Variants in EPAS1 observed in about 807,000 individuals in gnomAD.
EPAS1 encodes the protein endothelial PAS domain-containing protein 1.
Under a neutral mutation model 87.9 loss-of-function variants are expected in EPAS1, and 23 were observed. The ratio of observed to expected loss-of-function variants is 0.26; its 90% CI spans 0.19 to 0.37. The LOEUF is 0.37. Among genes scored for constraint, EPAS1 ranks in the 10% least tolerant of loss-of-function variants. The pLI, the probability that EPAS1 is intolerant of heterozygous loss-of-function variation, is 1.00. For missense variants in EPAS1, 1,138 were observed against 1,120.7 expected, an observed-to-expected ratio of 1.02 and a Z score of -0.22; for synonymous variants, 508 against 444.3, an observed-to-expected ratio of 1.14 and a Z score of -1.80.
chr2:46,320,499 C>G (rs1326330510), intron 1 of EPAS1, among the ~76,000 whole-genome samples: 1 of 152,186 alleles, frequency 6.6e-6, no homozygotes, highest in African/African-American at 2.4e-5. Flanking sequence ...TGATAAATGG[C>G]TTTTCTAATA....
intron 7 of EPAS1, among the ~76,000 whole-genome samples, chr2:46,370,745 T>C (rs1684611395): frequency 1.3e-5 from 2 of 152,226 alleles, no homozygotes; most frequent in African/African-American, 4.8e-5. Flanking sequence ...GCTACCATAT[T>C]GGACAGAGAA....
At chr2:46,320,067 A>G (rs942363970) in intron 1 of EPAS1, among the ~76,000 whole-genome samples, 23 of 152,228 alleles carry the variant, frequency 1.5e-4, no homozygotes, top group African/African-American at 5.5e-4. Flanking sequence ...GAATAATTAC[A>G]GTCTCTCCTT....
In EPAS1 at chr2:46,375,461, C is replaced by T. The variant is rs185352231; in HGVS notation, c.887-229C>T. 6.6e-6 allele frequency among the ~76,000 whole-genome samples: 1 copy of T among 152,118 alleles called. No individual in the cohort carries two copies. The highest frequency in any genetic ancestry group is 2.4e-5 in the African/African-American group (1 of 41,412). On this transcript the variant is annotated intron_variant, in intron 7 of 15. Coordinates refer to ENST00000263734, the MANE Select transcript of EPAS1 (RefSeq NM_001430.5). The surrounding 1 kb of genome is among the most constrained non-coding windows in gnomAD (Gnocchi z 4.1). ...CCCTCCCTCAGTAGACAGCCTTGGG[C>T]AAGTCATTTCACCTCTTCTCACCTC...
intron 6 of EPAS1, 128 bp downstream of exon 6, chr2:46,361,218 C>A (rs1478597275): frequency 9.7e-7 from 1 of 1,032,034 alleles, no homozygotes; most frequent in South Asian, 1.4e-5. Context: ...TGTTCGTGGA[C>A]CTGTGCCACT....
chr2:46,304,646 G>A (rs1262621883), intron 1 of EPAS1, among the ~76,000 whole-genome samples: 2 of 152,104 alleles, frequency 1.3e-5, no homozygotes, highest in African/African-American at 4.8e-5. Flanking sequence ...GACAAGAGGT[G>A]GTTCTCTCCT....
At chr2:46,329,631 G>T (rs1301937574) in intron 1 of EPAS1, among the ~76,000 whole-genome samples, 1 of 152,126 alleles carries the variant, frequency 6.6e-6, no homozygotes, top group African/African-American at 2.4e-5. Flanking sequence ...AGACTAGCCT[G>T]GCCGAGATAG....
chr2:46,330,735 G>A lies in EPAS1; in HGVS notation c.27-16138G>A, dbSNP rs1409133502. 3.9e-5 allele frequency among the ~76,000 whole-genome samples: 6 copies of A among 152,294 alleles called. No homozygotes were observed. The Middle Eastern group carries it at 0.017, about 432-fold the overall frequency. Reference sequence around the variant, plus strand: ...TTCTGCTTCCGGCTGAGGGCACCTTGGGACACCTTAGGAGGGATGGTCCCA... The same window carrying A: ...TTCTGCTTCCGGCTGAGGGCACCTTAGGACACCTTAGGAGGGATGGTCCCA... On this transcript the variant is annotated intron_variant, in intron 1 of 15. Transcript: ENST00000263734.
In EPAS1 at chr2:46,380,482, A is replaced by G; in HGVS notation, c.1810A>G (p.Met604Val). The G allele has an allele frequency of 3.1e-6, 5 of 1,614,122 alleles. No individual in the cohort carries two copies. Among genetic ancestry groups the G allele is most frequent in the Non-Finnish European group, 4.2e-6 (5 of 1,180,014 alleles). The change falls in exon 12 of 16, where the codon ATG (methionine) becomes GTG (valine). Residue 604 changes from methionine (M) to valine (V), a missense_variant. By Grantham distance (21) the Met-to-Val change is conservative (BLOSUM62 1). Transcript: ENST00000263734. The surrounding 1 kb of genome is among the most constrained non-coding windows in gnomAD (Gnocchi z 4.4). Reference protein sequence around the residue: ...SKKTEPEHRPMSSIFFDAGSK... With the variant: ...SKKTEPEHRPVSSIFFDAGSK... ...GAAGACAGAGCCCGAGCACCGGCCC[A>G]TGTCCTCCATCTTCTTTGATGCCGG...
chr2:46,318,273 T>G (rs1290750047), intron 1 of EPAS1, among the ~76,000 whole-genome samples: 1 of 152,014 alleles, frequency 6.6e-6, no homozygotes, highest in African/African-American at 2.4e-5. Flanking sequence ...GATCACTGTC[T>G]TATATGGGTG....
intron 6 of EPAS1, among the ~76,000 whole-genome samples, chr2:46,366,119 C>T (rs936143389): frequency 1.3e-5 from 2 of 152,232 alleles, no homozygotes; most frequent in Non-Finnish European, 2.9e-5. Flanking sequence ...AGTCAGGCAC[C>T]GTGGCGCTGC....
At chr2:46,331,024 G>A (rs1030869269) in intron 1 of EPAS1, among the ~76,000 whole-genome samples, 1 of 152,130 alleles carries the variant, frequency 6.6e-6, no homozygotes, top group Admixed American at 6.5e-5. Flanking sequence ...ACACTATTGA[G>A]TGTGTAGTAT....
Position 46,384,755 on chromosome 2 carries a change from G to C in EPAS1, c.*95G>C, listed in dbSNP as rs1019538224. ...TTGCAACTAGGTATTTCTAACGCCA[G>C]CACACTATTTACAAGATGGACTTAC... On this transcript the variant is annotated 3_prime_UTR_variant, in exon 16 of 16. Coordinates refer to ENST00000263734, the MANE Select transcript of EPAS1 (RefSeq NM_001430.5). 2.7e-6 allele frequency: 4 copies of C among 1,502,944 alleles called. No homozygotes were observed. The African/African-American group carries it at 5.5e-5, about 21-fold the overall frequency. 93.1% of individuals were successfully genotyped at this position (1,502,944 alleles called of 1,614,324 possible). A position where few individuals can be genotyped will look rare whatever the true frequency, so the allele number is the denominator to read the frequency against.
Position 46,380,146 on chromosome 2 carries a change from C to T in EPAS1, c.1555-81C>T. Reference sequence around the variant, plus strand: ...GTGAAACAGTGCTTGAGATGAATGGCTCTGCAGGAGCTGAGTTGGAATAGT... The same window carrying T: ...GTGAAACAGTGCTTGAGATGAATGGTTCTGCAGGAGCTGAGTTGGAATAGT... On this transcript the variant is annotated intron_variant, in intron 11 of 15. Coordinates refer to ENST00000263734, the MANE Select transcript of EPAS1 (RefSeq NM_001430.5). The surrounding 1 kb of genome is among the most constrained non-coding windows in gnomAD (Gnocchi z 4.4). 1.3e-6 allele frequency: 2 copies of T among 1,596,242 alleles called. No individual in the cohort carries two copies. The highest frequency in any genetic ancestry group is 1.7e-4 in the Middle Eastern group (1 of 6,050).
chr2:46,378,769 T>C lies in EPAS1; in HGVS notation c.1554+2T>C. 6.2e-7 allele frequency: 1 copy of C among 1,612,416 alleles called. No individual in the cohort carries two copies. The highest frequency in any genetic ancestry group is 1.1e-5 in the South Asian group (1 of 91,038). ...GCCAAGGACCAATGCAGTACCCAGG[T>C]AGATGGCTGTGGAGATCAGGCTAGG... On this transcript the variant is annotated splice_donor_variant, in intron 11 of 15. Transcript: ENST00000263734. LOFTEE classifies it high-confidence loss of function.
intron 2 of EPAS1, among the ~76,000 whole-genome samples, chr2:46,352,427 A>T (rs1405362107): frequency 6.6e-6 from 1 of 152,244 alleles, no homozygotes; most frequent in East Asian, 1.9e-4. Context: ...CCTAGCATAA[A>T]GCAGACATGA....
chr2:46,352,745 C>A (rs568565637), intron 2 of EPAS1, among the ~76,000 whole-genome samples: 2 of 152,194 alleles, frequency 1.3e-5, no homozygotes, highest in Non-Finnish European at 2.9e-5. Flanking sequence ...CCGGCCCTGC[C>A]GTCACAGGGT....
At chr2:46,336,355 A>T (rs1244466835) in intron 1 of EPAS1, among the ~76,000 whole-genome samples, 1 of 152,046 alleles carries the variant, frequency 6.6e-6, no homozygotes, top group African/African-American at 2.4e-5. Context: ...AGCCACCAAG[A>T]CAGGGAGGCC....
intron 15 of EPAS1, 59 bp downstream of exon 15, chr2:46,382,657 C>G (rs145157244): frequency 3.7e-6 from 6 of 1,603,822 alleles, no homozygotes; most frequent in Admixed American, 3.4e-5. Context: ...GGGAAGCCCA[C>G]GTCTACTTTT....
At chr2:46,384,331 A>T in intron 15 of EPAS1, 178 bp from the exon 16 acceptor site, 1 of 863,760 alleles carries the variant, frequency 1.2e-6, no homozygotes, top group Non-Finnish European at 1.9e-6. Context: ...CACCTGAGGC[A>T]GTGGTTCTGG....
Sources: allele counts gnomAD v4.1 joint callset (sites outside exome capture counted in the v4.1 genomes callset), GRCh38; gene constraint gnomAD v4.1.1; non-coding constraint Gnocchi (gnomAD v3.1); transcripts MANE v1.5; gene names NCBI Gene and HGNC (gene_info 2026-07-23, HGNC 2026-07-21).